The following GRB10 variants were observed in gnomAD, a reference collection of about 807,000 sequenced individuals.
GRB10 encodes the protein growth factor receptor-bound protein 10.
In GRB10, 20 loss-of-function variants were observed where a neutral mutation model predicts 80.9. The ratio of observed to expected loss-of-function variants is 0.25; its 90% CI spans 0.17 to 0.36. The LOEUF (loss-of-function observed/expected upper bound fraction) is 0.36. Among genes scored for constraint, GRB10 ranks in the 10% least tolerant of loss-of-function variants. The probability of loss-of-function intolerance (pLI) is 1.00; values close to 1 mark genes in which losing one functional copy is unlikely to be tolerated. For missense variants in GRB10, 548 were observed against 747.7 expected (o/e 0.73, Z 3.12); for synonymous variants, 291 against 291.5 (o/e 1.00, Z 0.02).
intron 7 of GRB10, among the ~76,000 whole-genome samples, chr7:50,666,909 G>T (rs553807287): frequency 6.6e-6 from 1 of 151,938 alleles, no homozygotes; most frequent in Admixed American, 6.5e-5. Flanking sequence ...GCGTGGTGGC[G>T]GGCGCCTGTA....
intron 7 of GRB10, among the ~76,000 whole-genome samples, chr7:50,665,552 A>G (rs2059709986): frequency 6.6e-6 from 1 of 152,200 alleles, no homozygotes. Flanking sequence ...TTTGGAACCC[A>G]TAACACGTTG....
intron 5 of GRB10, among the ~76,000 whole-genome samples, chr7:50,697,679 C>T (rs1453668834): frequency 1.3e-5 from 2 of 152,140 alleles, no homozygotes; most frequent in Admixed American, 6.5e-5. Flanking sequence ...AGGAAAGAAC[C>T]GCACTGTATG....
At chr7:50,714,667 A>C (rs111598765) in intron 4 of GRB10, among the ~76,000 whole-genome samples, 3,204 of 151,612 alleles carry the variant, frequency 0.021, 108 homozygotes, top group African/African-American at 0.069. Context: ...TGTCTCAAAA[A>C]AAAAAACAAA....
At chr7:50,731,703 G>A (rs976584724) in intron 4 of GRB10, among the ~76,000 whole-genome samples, 1 of 152,218 alleles carries the variant, frequency 6.6e-6, no homozygotes, top group Non-Finnish European at 1.5e-5. Context: ...ATGAAGAAGA[G>A]CTAGAGAAAG....
intron 2 of GRB10, among the ~76,000 whole-genome samples, chr7:50,765,432 A>G (rs1324625486): frequency 6.6e-6 from 1 of 152,232 alleles, no homozygotes; most frequent in Non-Finnish European, 1.5e-5. Context: ...AACAACAATG[A>G]ACTCATTTAA....
At chr7:50,751,256 G>A (rs530410355) in intron 3 of GRB10, among the ~76,000 whole-genome samples, 6 of 152,278 alleles carry the variant, frequency 3.9e-5, no homozygotes, top group African/African-American at 1.4e-4. Context: ...AAGGAAAAAA[G>A]GAAGGACACT....
chr7:50,656,988 G>A (rs1026752921), intron 7 of GRB10, among the ~76,000 whole-genome samples: 2 of 152,206 alleles, frequency 1.3e-5, no homozygotes, highest in African/African-American at 4.8e-5. Context: ...TTATAGCACA[G>A]ACACTGGACG....
At chr7:50,706,312 T>C (rs959648805) in intron 4 of GRB10, among the ~76,000 whole-genome samples, 3 of 152,258 alleles carry the variant, frequency 2.0e-5, no homozygotes, top group African/African-American at 7.2e-5. Context: ...AGACACTCTG[T>C]AGTTGTTTTC....
At chr7:50,664,292 A>G (rs1374236946) in intron 7 of GRB10, among the ~76,000 whole-genome samples, 1 of 152,262 alleles carries the variant, frequency 6.6e-6, no homozygotes, top group African/African-American at 2.4e-5. Flanking sequence ...ACCTATACAC[A>G]TGGCTCCCCT....
intron 7 of GRB10, among the ~76,000 whole-genome samples, chr7:50,649,994 A>G (rs1195423470): frequency 6.6e-6 from 1 of 152,140 alleles, no homozygotes; most frequent in Non-Finnish European, 1.5e-5. Context: ...GAGCAGAGAG[A>G]TGGCATCTGA....
chr7:50,642,325 C>A, intron 7 of GRB10, among the ~76,000 whole-genome samples: 1 of 152,076 alleles, frequency 6.6e-6, no homozygotes, highest in East Asian at 1.9e-4. Flanking sequence ...CATACAAACA[C>A]ATGCACATAT....
At chr7:50,721,741 T>C (rs1167322399) in intron 4 of GRB10, among the ~76,000 whole-genome samples, 1 of 151,998 alleles carries the variant, frequency 6.6e-6, no homozygotes, top group East Asian at 1.9e-4. Context: ...CTCCACTCTG[T>C]CCTCAAGCAG....
chr7:50,603,473 G>A (rs2047969648), intron 17 of GRB10, among the ~76,000 whole-genome samples: 1 of 152,168 alleles, frequency 6.6e-6, no homozygotes, highest in African/African-American at 2.4e-5. Context: ...GTCACTAATT[G>A]CCACGGCAAC....
rs1360484221 is a variant in GRB10, at chr7:50,592,585, A to G, written c.*367T>C. ...AGTGATCAATACAAAAAAAGTAAAC[A>G]TATCAGTTTTAATTGTCAAGATTAT... On this transcript the variant is annotated 3_prime_UTR_variant, in exon 19 of 19. Coordinates refer to ENST00000401949, the MANE Select transcript of GRB10 (RefSeq NM_001350814.2). 5 of 314,386 alleles carry G rather than the reference A, an allele frequency of 1.6e-5. No individual in the cohort carries two copies. The Admixed American group carries it at 1.8e-4, about 12-fold the overall frequency. 19.5% of individuals were successfully genotyped at this position (314,386 alleles called of 1,614,324 possible).
intron 4 of GRB10, among the ~76,000 whole-genome samples, chr7:50,706,546 C>T (rs534181682): frequency 6.6e-6 from 1 of 152,366 alleles, no homozygotes; most frequent in South Asian, 2.1e-4. Context: ...CCCAAGCCAG[C>T]CAGTGACTGT....
At chr7:50,658,873 G>A (rs958829130) in intron 7 of GRB10, among the ~76,000 whole-genome samples, 1 of 152,182 alleles carries the variant, frequency 6.6e-6, no homozygotes, top group African/African-American at 2.4e-5. Flanking sequence ...ATGCAAACAC[G>A]GGAACATGCA....
At chr7:50,683,551 A>T (rs1314939850) in intron 5 of GRB10, among the ~76,000 whole-genome samples, 2 of 152,152 alleles carry the variant, frequency 1.3e-5, no homozygotes, top group South Asian at 4.1e-4. Flanking sequence ...AGCCTGATCA[A>T]CATGGCGAAA....
At chr7:50,733,087 C>T (rs2070164026) in intron 3 of GRB10, among the ~76,000 whole-genome samples, 1 of 152,146 alleles carries the variant, frequency 6.6e-6, no homozygotes, top group African/African-American at 2.4e-5. Context: ...GGTCTTTAAA[C>T]ACGTCACTAA....
intron 5 of GRB10, among the ~76,000 whole-genome samples, chr7:50,687,756 G>A (rs922782372): frequency 6.6e-6 from 1 of 152,078 alleles, no homozygotes; most frequent in African/African-American, 2.4e-5. Context: ...TGCCAGCAGA[G>A]ACCACAATGG....
Sources: gnomAD v4.1 joint callset for allele counts (sites outside exome capture counted in the v4.1 genomes callset) on GRCh38, gnomAD v4.1.1 for gene constraint, MANE v1.5 for transcripts, NCBI Gene and HGNC (gene_info 2026-07-23, HGNC 2026-07-21) for gene names.